NPTN: variants seen among roughly 807,000 people sequenced by gnomAD.
The protein encoded by NPTN is neuroplastin.
A neutral mutation model predicts 42.7 loss-of-function variants in NPTN; 5 were observed. That is an observed-to-expected ratio of 0.12 (90% CI 0.06 to 0.25). The LOEUF (loss-of-function observed/expected upper bound fraction) is 0.25, where lower values mean the gene tolerates loss of function less well. NPTN is among the 10% of genes least tolerant of loss of function. The pLI, the probability that NPTN is intolerant of heterozygous loss-of-function variation, is 1.00. For missense variants in NPTN, 307 were observed against 525.4 expected (o/e 0.58, Z 4.06); for synonymous variants, 180 against 201.9 (o/e 0.89, Z 0.92).
At chr15:73,579,717 C>T (rs371806924) in intron 4 of NPTN, among the ~76,000 whole-genome samples, 12 of 152,054 alleles carry the variant, frequency 7.9e-5, no homozygotes, top group East Asian at 1.9e-4. Context: ...AAAGGGTGGC[C>T]GCCATACTGG....
At position 73,570,652 on chromosome 15, in the gene NPTN, C is replaced by T. The variant is rs982071011; in HGVS notation, c.841-229G>A. The stretch of plus-strand genomic sequence containing the variant: ...GTCCTCCAGACTTCCCCGACTTCCA[C>T]GAAGTGAGTGCAGGTCCTACTGCCT... On this transcript the variant is annotated intron_variant, in intron 5 of 8. Transcript: ENST00000345330. The surrounding 1 kb of genome is among the most constrained non-coding windows in gnomAD (Gnocchi z 4.0). Among the ~76,000 whole-genome samples, 2 of 152,236 alleles carry T rather than the reference C, an allele frequency of 1.3e-5. No individual in the cohort carries two copies. Among genetic ancestry groups the T allele is most frequent in the African/African-American group, 2.4e-5 (1 of 41,468 alleles).
intron 6 of NPTN, chr15:73,568,938 G>C: frequency 1.0e-6 from 1 of 985,490 alleles, no homozygotes; most frequent in Non-Finnish European, 1.2e-6. Context: ...AGAGTCTAAA[G>C]CCACTGGCAT....
intron 1 of NPTN, among the ~76,000 whole-genome samples, chr15:73,615,449 T>C (rs1897818663): frequency 6.6e-6 from 1 of 152,180 alleles, no homozygotes; most frequent in Non-Finnish European, 1.5e-5. Context: ...AGAGGAATGA[T>C]GCACACCTTG....
At chr15:73,610,843 C>T (rs1164063331) in intron 1 of NPTN, among the ~76,000 whole-genome samples, 1 of 152,140 alleles carries the variant, frequency 6.6e-6, no homozygotes, top group African/African-American at 2.4e-5. Context: ...ACACAGGCAA[C>T]TGAACAAGAG....
At chr15:73,629,921 T>C (rs1208127560) in intron 1 of NPTN, among the ~76,000 whole-genome samples, 1 of 152,116 alleles carries the variant, frequency 6.6e-6, no homozygotes, top group Non-Finnish European at 1.5e-5. Context: ...AATTGGCAAT[T>C]GCAGACACAG....
chr15:73,579,027 A>G (rs1304753913), intron 4 of NPTN, among the ~76,000 whole-genome samples: 1 of 149,142 alleles, frequency 6.7e-6, no homozygotes, highest in East Asian at 2.0e-4. Context: ...CTTATTTAAC[A>G]TCCAAGTATT....
intron 1 of NPTN, among the ~76,000 whole-genome samples, chr15:73,611,948 A>G (rs1897603307): frequency 6.6e-6 from 1 of 152,220 alleles, no homozygotes; most frequent in Admixed American, 6.5e-5. Context: ...TAAAAGTATC[A>G]ACTGAAAAAT....
Position 73,573,748 on chromosome 15 carries a change from C to T in NPTN, c.754G>A (p.Gly252Arg). 1 of 1,597,988 alleles carries T rather than the reference C, an allele frequency of 6.3e-7. No individual in the cohort carries two copies. The highest frequency in any genetic ancestry group is 8.5e-7 in the Non-Finnish European group (1 of 1,173,146). The change falls in exon 5 of 9, where the codon GGG (glycine) becomes AGG (arginine). Residue 252 changes from glycine to arginine, a missense_variant. Physicochemically the swap from Gly to Arg is moderately radical, Grantham distance 125. Coordinates refer to ENST00000345330, the MANE Select transcript of NPTN (RefSeq NM_012428.4). ...TTGCAATACATAGTGGCATCCTGCCCTTCATTCTTGTTCTCACTCCGTTTA... is the reference window on the plus strand; with the variant it reads ...TTGCAATACATAGTGGCATCCTGCCTTTCATTCTTGTTCTCACTCCGTTTA... ...GHKRSENKNE[G>R]QDATMYCKSV...
rs1895302238 is a variant in NPTN, at chr15:73,570,413, T to C, written c.851A>G (p.Asn284Ser). ...GATGATGAAGAAGCGGCCAGAGGTA[T>C]TGACAATGTCCTGCAAAAAAGTGAG... ...KENGMPMDIVNTSGRFFIINK... is the reference protein window; with the variant it reads ...KENGMPMDIVSTSGRFFIINK... The change falls in exon 6 of 9, where the codon AAT becomes AGT. Residue 284 changes from asparagine (N) to serine (S), a missense_variant. Transcript: ENST00000345330. The surrounding 1 kb of genome is among the most constrained non-coding windows in gnomAD (Gnocchi z 4.0). The C allele has an allele frequency of 6.2e-7, 1 of 1,611,658 alleles. No individual in the cohort carries two copies. Among genetic ancestry groups the C allele is most frequent in the Non-Finnish European group, 8.5e-7 (1 of 1,178,992 alleles).
intron 4 of NPTN, among the ~76,000 whole-genome samples, chr15:73,585,259 T>C (rs1024563245): frequency 6.6e-6 from 1 of 152,234 alleles, no homozygotes; most frequent in Admixed American, 6.5e-5. Flanking sequence ...GGAACCTCTC[T>C]GTTCTCAAGT....
In NPTN at chr15:73,621,332, T is replaced by C. The variant is rs1242618167; in HGVS notation, c.91+11793A>G. On this transcript the variant is annotated intron_variant, in intron 1 of 8. Transcript: ENST00000345330. Reference sequence around the variant, plus strand: ...CACATTTTAATGATATGCTCATCATTTGTCAAAAGAGCCAACCTTGAAATA... The same window carrying C: ...CACATTTTAATGATATGCTCATCATCTGTCAAAAGAGCCAACCTTGAAATA... Among the ~76,000 whole-genome samples, 9 of 152,310 alleles carry C rather than the reference T, an allele frequency of 5.9e-5. No homozygotes were observed. The East Asian group carries it at 1.5e-3, about 26-fold the overall frequency.
rs1272893966 is a variant in NPTN at position 73,569,656 on chromosome 15, C to T, written c.1114+494G>A. The stretch of plus-strand genomic sequence containing the variant: ...CTTTTCTGAGAACAGTCTGACTGGG[C>T]TGGGGCAGTTACCTACAGGGGCTAC... On this transcript the variant is annotated intron_variant, in intron 6 of 8. Coordinates refer to ENST00000345330, the MANE Select transcript of NPTN (RefSeq NM_012428.4). This position sits in a 1 kb window ranked among gnomAD's most constrained non-coding sequence, Gnocchi z 4.1. 29 of 985,456 alleles carry T rather than the reference C, an allele frequency of 2.9e-5. No individual in the cohort carries two copies. The highest frequency in any genetic ancestry group is 3.3e-5 in the Non-Finnish European group (27 of 829,940). The allele number at this position is 985,456 out of a possible 1,614,324, so 61.0% of individuals were successfully genotyped here.
In NPTN at chr15:73,560,696, A is replaced by C. The variant is rs1199012799; in HGVS notation, c.*367T>G. The C allele has an allele frequency of 6.6e-6, 1 of 151,608 alleles. No individual in the cohort carries two copies. Among genetic ancestry groups the C allele is most frequent in the African/African-American group, 2.4e-5 (1 of 41,296 alleles). The allele number at this position is 151,608 out of a possible 1,614,324, so 9.4% of individuals were successfully genotyped here. ...CTGTACTTTACAAAAGTGTATCACT[A>C]GATGGCAGCAGTGCATTTTAGAGCT... On this transcript the variant is annotated 3_prime_UTR_variant, in exon 9 of 9. Transcript: ENST00000345330.
chr15:73,568,702 A>G, intron 6 of NPTN: 1 of 985,490 alleles, frequency 1.0e-6, no homozygotes. Context: ...GAAACTAGAG[A>G]TTCATTTGCA....
At chr15:73,566,916 C>G (rs144830833) in intron 6 of NPTN, 1 of 594,574 alleles carries the variant, frequency 1.7e-6, no homozygotes, top group Non-Finnish European at 2.1e-6. Flanking sequence ...AGAGACCATA[C>G]AGGGGACTAA....
At chr15:73,594,951 TAA>T (rs770131038) in intron 2 of NPTN, among the ~76,000 whole-genome samples, 57 of 128,784 alleles carry the variant, frequency 4.4e-4, no homozygotes, top group Non-Finnish European at 4.4e-4. Flanking sequence ...CAGGGTGTTT[TAA>T]AAAAAAAAAA....
intron 5 of NPTN, among the ~76,000 whole-genome samples, chr15:73,573,317 T>C (rs1895510878): frequency 6.6e-6 from 1 of 152,158 alleles, no homozygotes; most frequent in Non-Finnish European, 1.5e-5. Flanking sequence ...TCCCCGGCAA[T>C]GCTTCCTGTA....
At chr15:73,620,720 T>C (rs1240935297) in intron 1 of NPTN, among the ~76,000 whole-genome samples, 1 of 152,258 alleles carries the variant, frequency 6.6e-6, no homozygotes, top group African/African-American at 2.4e-5. Context: ...GAGAATAGAC[T>C]GTTCTTTCGT....
At chr15:73,605,229 G>C (rs923109079) in intron 1 of NPTN, among the ~76,000 whole-genome samples, 1 of 152,046 alleles carries the variant, frequency 6.6e-6, no homozygotes, top group African/African-American at 2.4e-5. Context: ...CTACTGGACT[G>C]ACTGTTTCCA....
Sources: allele counts gnomAD v4.1 joint callset (sites outside exome capture counted in the v4.1 genomes callset), GRCh38; gene constraint gnomAD v4.1.1; non-coding constraint Gnocchi (gnomAD v3.1); transcripts MANE v1.5; gene names NCBI Gene and HGNC (gene_info 2026-07-23, HGNC 2026-07-21).